WDPCP: variants seen among roughly 807,000 people sequenced by gnomAD.
WDPCP encodes the protein WD repeat containing planar cell polarity effector, also known as WD repeat-containing and planar cell polarity effector protein fritz homolog.
Under a neutral mutation model 93.1 loss-of-function variants are expected in WDPCP, and 71 were observed. That is an observed-to-expected ratio of 0.76 (90% CI 0.63 to 0.93). WDPCP has a LOEUF of 0.93. WDPCP is among the 40% of genes least tolerant of loss of function. The pLI, the probability that WDPCP is intolerant of heterozygous loss-of-function variation, is 0.00. For synonymous variants in WDPCP, 315 were observed against 315.0 expected, an observed-to-expected ratio of 1.00 and a Z score of 0.00; for missense variants, 844 against 887.4, an observed-to-expected ratio of 0.95 and a Z score of 0.62.
intron 14 of WDPCP, among the ~76,000 whole-genome samples, chr2:63,212,501 C>A (rs1676909820): frequency 3.3e-5 from 5 of 152,134 alleles, no homozygotes; most frequent in Admixed American, 2.6e-4. Flanking sequence ...TGGTACCAGC[C>A]ACTGCAAAAA....
At chr2:63,670,989 C>T (rs1163682148) in intron 2 of WDPCP, among the ~76,000 whole-genome samples, 3 of 152,142 alleles carry the variant, frequency 2.0e-5, no homozygotes, top group Non-Finnish European at 4.4e-5. Flanking sequence ...TAAAGTATTC[C>T]TCAGAGAAGG....
At chr2:63,130,710 A>G (rs539228775) in intron 17 of WDPCP, among the ~76,000 whole-genome samples, 1 of 151,910 alleles carries the variant, frequency 6.6e-6, no homozygotes, top group South Asian at 2.1e-4. Flanking sequence ...TGTTCCATCC[A>G]GTTGGTCTGT....
chr2:63,554,282 G>A (rs187074759), intron 1 of WDPCP, among the ~76,000 whole-genome samples: 6 of 152,288 alleles, frequency 3.9e-5, no homozygotes, highest in Admixed American at 1.3e-4. Context: ...CAAGAATACT[G>A]CAGAAATGAT....
intron 12 of WDPCP, among the ~76,000 whole-genome samples, chr2:63,346,504 A>G (rs1449288351): frequency 1.3e-5 from 2 of 152,246 alleles, no homozygotes; most frequent in African/African-American, 2.4e-5. Flanking sequence ...CCATTAGTGC[A>G]TCTGCACAGA....
chr2:63,434,844 A>G (rs1167660887), intron 8 of WDPCP, among the ~76,000 whole-genome samples: 1 of 152,174 alleles, frequency 6.6e-6, no homozygotes, highest in Admixed American at 6.5e-5. Context: ...AAGGCAACAA[A>G]GGATGGCAGT....
intron 15 of WDPCP, among the ~76,000 whole-genome samples, chr2:63,170,276 CTT>C (rs1168550595): frequency 6.9e-6 from 1 of 144,030 alleles, no homozygotes; most frequent in Non-Finnish European, 1.5e-5. Flanking sequence ...TTCTTTCTTT[CTT>C]TTTTTTTTTT....
intron 1 of WDPCP, among the ~76,000 whole-genome samples, chr2:63,500,381 T>G (rs1431626606): frequency 6.6e-6 from 1 of 151,572 alleles, no homozygotes; most frequent in East Asian, 1.9e-4. Flanking sequence ...AATTCTCCAA[T>G]AAAGAGTCAA....
intron 2 of WDPCP, among the ~76,000 whole-genome samples, chr2:63,780,502 T>G (rs1296374313): frequency 6.6e-6 from 1 of 152,178 alleles, no homozygotes. Context: ...TGAACATTAT[T>G]ATCCTCAATT....
chr2:63,509,220 C>G (rs1702069285), intron 1 of WDPCP, among the ~76,000 whole-genome samples: 1 of 152,068 alleles, frequency 6.6e-6, no homozygotes, highest in Non-Finnish European at 1.5e-5. Flanking sequence ...GAATGGAAAT[C>G]AAAACAAACA....
chr2:63,623,441 C>T lies in WDPCP; in HGVS notation n.488+27218G>A, dbSNP rs186940436. On this transcript the variant is annotated intron_variant and non_coding_transcript_variant, in intron 3 of 4. Transcript: ENST00000467687. Reference sequence around the variant, plus strand: ...TGTGCTGTATTCAGGAGACCCACCTCGCGTGTAAAGACACATACAGGCTCA... The same window carrying T: ...TGTGCTGTATTCAGGAGACCCACCTTGCGTGTAAAGACACATACAGGCTCA... 1.8e-3 allele frequency among the ~76,000 whole-genome samples: 274 copies of T among 151,714 alleles called. 1 individual carries two copies. The highest frequency in any genetic ancestry group is 1.1e-3 in the Non-Finnish European group (77 of 67,964).
At chr2:63,347,080 C>T (rs1689243174) in intron 12 of WDPCP, among the ~76,000 whole-genome samples, 1 of 152,128 alleles carries the variant, frequency 6.6e-6, no homozygotes, top group Non-Finnish European at 1.5e-5. Flanking sequence ...ACAACAATAG[C>T]CACAGTAACA....
intron 1 of WDPCP, among the ~76,000 whole-genome samples, chr2:63,524,428 G>A (rs1396558004): frequency 6.6e-6 from 1 of 152,166 alleles, no homozygotes; most frequent in Non-Finnish European, 1.5e-5. Flanking sequence ...GAACACAACA[G>A]AGAACCCAGA....
chr2:63,382,154 A>G lies in WDPCP; in HGVS notation c.1436-60T>C, dbSNP rs1403260574. 4.6e-6 allele frequency: 7 copies of G among 1,524,082 alleles called. No individual in the cohort carries two copies. The East Asian group carries it at 1.7e-4, about 37-fold the overall frequency. The allele number at this position is 1,524,082 out of a possible 1,614,324, so 94.4% of individuals were successfully genotyped here. A position where few individuals can be genotyped will look rare whatever the true frequency, so the allele number is the denominator to read the frequency against. Reference sequence around the variant, plus strand: ...TAAAATAAAATAGAATAACAAAAAGAGTTAATTTTTCCATAAAGAAAAAAA... The same window carrying G: ...TAAAATAAAATAGAATAACAAAAAGGGTTAATTTTTCCATAAAGAAAAAAA... On this transcript the variant is annotated intron_variant, in intron 10 of 17. Transcript: ENST00000272321.
intron 2 of WDPCP, among the ~76,000 whole-genome samples, chr2:63,686,550 A>G (rs1418616554): frequency 6.6e-6 from 1 of 152,056 alleles, no homozygotes; most frequent in Non-Finnish European, 1.5e-5. Context: ...ATCCATCAAA[A>G]TACCAATGAC....
rs1469264467 is a variant in WDPCP at position 63,313,234 on chromosome 2, T to C, written c.1812+14A>G. ...AGAACTGAAGGCACAAAATCATCTC[T>C]GAAAATGACTCACCATAAAGAGGTC... On this transcript the variant is annotated intron_variant, in intron 13 of 17. Coordinates refer to ENST00000272321, the MANE Select transcript of WDPCP (RefSeq NM_015910.7). 1 of 1,612,774 alleles carries C rather than the reference T, an allele frequency of 6.2e-7. No homozygotes were observed. Among genetic ancestry groups the C allele is most frequent in the Non-Finnish European group, 8.5e-7 (1 of 1,179,104 alleles).
chr2:63,703,618 C>T (rs1446970238), intron 2 of WDPCP, among the ~76,000 whole-genome samples: 1 of 151,904 alleles, frequency 6.6e-6, no homozygotes, highest in Non-Finnish European at 1.5e-5. Context: ...GAGTCTCACT[C>T]TGTTCTGTTC....
intron 1 of WDPCP, among the ~76,000 whole-genome samples, chr2:63,503,609 C>T (rs2106025928): frequency 6.6e-6 from 1 of 152,004 alleles, no homozygotes; most frequent in South Asian, 2.1e-4. Flanking sequence ...ACCTCAACCA[C>T]AACAATAAAA....
chr2:63,517,078 A>G (rs1423772787), intron 1 of WDPCP, among the ~76,000 whole-genome samples: 1 of 152,010 alleles, frequency 6.6e-6, no homozygotes, highest in Non-Finnish European at 1.5e-5. Flanking sequence ...TCTAAACTAC[A>G]TCCTAATCTT....
chr2:63,392,761 A>G (rs1193506991), intron 10 of WDPCP, among the ~76,000 whole-genome samples: 1 of 152,248 alleles, frequency 6.6e-6, no homozygotes, highest in Non-Finnish European at 1.5e-5. Flanking sequence ...GCAGACATCT[A>G]TGCAGCCAAT....
Sources: allele counts gnomAD v4.1 joint callset (sites outside exome capture counted in the v4.1 genomes callset), GRCh38; gene constraint gnomAD v4.1.1; transcripts MANE v1.5; gene names NCBI Gene and HGNC (gene_info 2026-07-23, HGNC 2026-07-21).